SPAG16: variants seen among roughly 807,000 people sequenced by gnomAD.
SPAG16 encodes the protein sperm-associated antigen 16 protein.
A neutral mutation model predicts 80.4 loss-of-function variants in SPAG16; 86 were observed. The observed-to-expected ratio is 1.07, with a 90% CI of 0.90 to 1.28. SPAG16 has a LOEUF of 1.28. SPAG16 is among the 50% of genes most tolerant of loss of function. SPAG16 has a pLI of 0.00. For synonymous variants in SPAG16, 294 were observed against 265.9 expected, an observed-to-expected ratio of 1.11 and a Z score of -1.03; for missense variants, 870 against 765.3, an observed-to-expected ratio of 1.14 and a Z score of -1.61.
chr2:214,169,220 G>A (rs566763726), intron 15 of SPAG16, among the ~76,000 whole-genome samples: 2 of 152,076 alleles, frequency 1.3e-5, no homozygotes, highest in East Asian at 3.9e-4. Flanking sequence ...TAGTATCTGA[G>A]ATGTAAATTA....
At chr2:213,888,206 G>A (rs4672690) in intron 11 of SPAG16, among the ~76,000 whole-genome samples, 90,096 of 151,460 alleles carry the variant, frequency 0.59, 28,664 homozygotes, top group South Asian at 0.85. Context: ...ATATGTTACT[G>A]TTTCATAATT....
intron 10 of SPAG16, among the ~76,000 whole-genome samples, chr2:213,557,431 A>T (rs978087015): frequency 2.0e-4 from 31 of 152,040 alleles, no homozygotes; most frequent in African/African-American, 7.5e-4. Context: ...GGATAATTAT[A>T]TCTAATTATA....
intron 14 of SPAG16, among the ~76,000 whole-genome samples, chr2:214,113,590 C>A (rs1452272158): frequency 6.6e-6 from 1 of 152,156 alleles, no homozygotes; most frequent in African/African-American, 2.4e-5. Flanking sequence ...ATCACTGATA[C>A]CCTTTCTTCC....
intron 7 of SPAG16, among the ~76,000 whole-genome samples, chr2:213,355,075 T>C (rs1293137517): frequency 6.6e-6 from 1 of 152,242 alleles, no homozygotes; most frequent in Non-Finnish European, 1.5e-5. Flanking sequence ...TTCAGTTTTC[T>C]GCATATGGCT....
At position 214,304,052 on chromosome 2, in the gene SPAG16, C is replaced by T. The variant is rs375046589; in HGVS notation, c.1721-106088C>T. Among the ~76,000 whole-genome samples, 11 of 152,256 alleles carry T rather than the reference C, an allele frequency of 7.2e-5. No homozygotes were observed. In the East Asian group the frequency reaches 1.7e-3, roughly 24 times the overall value. ...AGGCCCCAGTGTGTTTTGTTCCCCT[C>T]TATATGTCCATGTATTCTCATAATG... On this transcript the variant is annotated intron_variant, in intron 15 of 15. Transcript: ENST00000331683.
chr2:214,145,209 G>A (rs2055577758), intron 14 of SPAG16, among the ~76,000 whole-genome samples: 1 of 151,824 alleles, frequency 6.6e-6, no homozygotes, highest in African/African-American at 2.4e-5. Context: ...TGGAACCTCT[G>A]TGCAGAGAGA....
chr2:214,165,067 A>G (rs2056592173), intron 15 of SPAG16, among the ~76,000 whole-genome samples: 1 of 152,172 alleles, frequency 6.6e-6, no homozygotes, highest in African/African-American at 2.4e-5. Flanking sequence ...TATAATATGT[A>G]GACATTTTGA....
Position 214,410,449 on chromosome 2 carries a change from A to G in SPAG16, c.*134A>G. ...CAGTCTGCTTTAAAACATGCTTTGGACATATATTTTAGTGCTCATACTGTT... is the reference window on the plus strand; with the variant it reads ...CAGTCTGCTTTAAAACATGCTTTGGGCATATATTTTAGTGCTCATACTGTT... On this transcript the variant is annotated 3_prime_UTR_variant, in exon 16 of 16. Coordinates refer to ENST00000331683, the MANE Select transcript of SPAG16 (RefSeq NM_024532.5). 1 of 798,004 alleles carries G rather than the reference A, an allele frequency of 1.3e-6. No homozygotes were observed. The highest frequency in any genetic ancestry group is 2.7e-5 in the East Asian group (1 of 37,416). 49.4% of individuals were successfully genotyped at this position (798,004 alleles called of 1,614,324 possible). A position where few individuals can be genotyped will look rare whatever the true frequency, so the allele number is the denominator to read the frequency against.
intron 9 of SPAG16, among the ~76,000 whole-genome samples, chr2:213,379,580 A>T (rs1844227): frequency 6.6e-6 from 1 of 152,066 alleles, no homozygotes; most frequent in Non-Finnish European, 1.5e-5. Flanking sequence ...TGGCAGAAGC[A>T]TTGCTTTTAG....
Position 213,722,713 on chromosome 2 carries a change from A to G in SPAG16, c.1071-139772A>G, listed in dbSNP as rs146624342. ...TAAGATACAAGACAGATATGACAAT[A>G]TTGGAAAGGCTGTGTAACATGCAGA... is the stretch of plus-strand genomic sequence containing the variant. On this transcript the variant is annotated intron_variant, in intron 10 of 15. Transcript: ENST00000331683. Among the ~76,000 whole-genome samples the G allele has an allele frequency of 2.4e-4, 36 of 152,308 alleles. No individual in the cohort carries two copies. The East Asian group carries it at 7.0e-3, about 29-fold the overall frequency.
intron 10 of SPAG16, among the ~76,000 whole-genome samples, chr2:213,855,513 T>C (rs1443483117): frequency 6.6e-6 from 1 of 152,236 alleles, no homozygotes; most frequent in Non-Finnish European, 1.5e-5. Context: ...TTTGTTGCAT[T>C]TCATAGTTAC....
intron 9 of SPAG16, among the ~76,000 whole-genome samples, chr2:213,436,981 G>C (rs1055382775): frequency 6.6e-6 from 1 of 151,392 alleles, no homozygotes; most frequent in Non-Finnish European, 1.5e-5. Flanking sequence ...GCATGATCTC[G>C]GTTCACTGCA....
At position 213,623,787 on chromosome 2, in the gene SPAG16, A is replaced by G; in HGVS notation, c.1070+133697A>G. 1.3e-5 allele frequency among the ~76,000 whole-genome samples: 2 copies of G among 152,098 alleles called. 1 individual carries two copies. Among genetic ancestry groups the G allele is most frequent in the Non-Finnish European group, 2.9e-5 (2 of 67,950 alleles). Reference sequence around the variant, plus strand: ...TAAAAAATGTGTTAATTATAATCCAAGACATACCAGAGTAAACACCAATGA... The same window carrying G: ...TAAAAAATGTGTTAATTATAATCCAGGACATACCAGAGTAAACACCAATGA... On this transcript the variant is annotated intron_variant, in intron 10 of 15. Coordinates refer to ENST00000331683, the MANE Select transcript of SPAG16 (RefSeq NM_024532.5).
chr2:213,375,079 A>G lies in SPAG16; in HGVS notation c.902A>G (p.Glu301Gly), dbSNP rs867190457. 4 of 1,609,382 alleles carry G rather than the reference A, an allele frequency of 2.5e-6. No individual in the cohort carries two copies. Among genetic ancestry groups the G allele is most frequent in the Middle Eastern group, 3.3e-4 (2 of 6,044 alleles). The change falls in exon 9 of 16, where the codon GAA becomes GGA. Residue 301 changes from glutamate (E) to glycine (G), a missense_variant. Coordinates refer to ENST00000331683, the MANE Select transcript of SPAG16 (RefSeq NM_024532.5). ...PTQKGLREAR[E>G]QNKCKTKMKG... Reference sequence around the variant, plus strand: ...CAGAAAGGTCTTCGTGAAGCCAGGGAACAAAACAAATGTAAAACAAAGATG... The same window carrying G: ...CAGAAAGGTCTTCGTGAAGCCAGGGGACAAAACAAATGTAAAACAAAGATG...
intron 15 of SPAG16, among the ~76,000 whole-genome samples, chr2:214,321,226 T>TAG (rs946864789): frequency 8.5e-5 from 13 of 152,162 alleles, no homozygotes; most frequent in Admixed American, 2.6e-4. Flanking sequence ...ATTTCACATA[T>TAG]AGAGTTTAAT....
intron 13 of SPAG16, among the ~76,000 whole-genome samples, chr2:214,094,185 A>C (rs990295746): frequency 5.3e-5 from 8 of 152,144 alleles, no homozygotes; most frequent in Non-Finnish European, 8.8e-5. Context: ...ATACCATGGC[A>C]GTTTGCAAAT....
Position 213,454,388 on chromosome 2 carries a change from A to G in SPAG16, c.943-35575A>G, listed in dbSNP as rs75813718. Among the ~76,000 whole-genome samples, 1,346 of 152,214 alleles carry G rather than the reference A, an allele frequency of 8.8e-3. 22 individuals carry two copies. The highest frequency in any genetic ancestry group is 0.03 in the African/African-American group (1,254 of 41,534). ...AATCCATATATTTGTGTGTTAGTCT[A>G]TAGGATAATAACAAGATTATATTTT... is the stretch of plus-strand genomic sequence containing the variant. On this transcript the variant is annotated intron_variant, in intron 9 of 15. Coordinates refer to ENST00000331683, the MANE Select transcript of SPAG16 (RefSeq NM_024532.5).
intron 15 of SPAG16, among the ~76,000 whole-genome samples, chr2:214,241,538 C>CT (rs1260603775): frequency 6.6e-6 from 1 of 152,088 alleles, no homozygotes; most frequent in African/African-American, 2.4e-5. Flanking sequence ...GTAAATATGG[C>CT]TTTATTGTTT....
chr2:214,013,631 T>C (rs1204841989), intron 12 of SPAG16, among the ~76,000 whole-genome samples: 2 of 152,312 alleles, frequency 1.3e-5, no homozygotes, highest in African/African-American at 4.8e-5. Context: ...GCAAAATTTT[T>C]TAAACATATT....
Sources: allele counts gnomAD v4.1 joint callset (sites outside exome capture counted in the v4.1 genomes callset), GRCh38; gene constraint gnomAD v4.1.1; transcripts MANE v1.5; gene names NCBI Gene and HGNC (gene_info 2026-07-23, HGNC 2026-07-21).